Variants in FBXW7 observed in about 807,000 individuals in gnomAD.
FBXW7 encodes F-box/WD repeat-containing protein 7.
FBXW7 carries 11 observed loss-of-function variants against 86.3 expected under a neutral mutation model. The observed-to-expected ratio is 0.13, with a 90% confidence interval of 0.08 to 0.21. The LOEUF is 0.21. Among genes scored for constraint, FBXW7 ranks in the 10% least tolerant of loss-of-function variants. FBXW7 has a pLI of 1.00. For missense variants in FBXW7, 488 were observed against 847.4 expected, an observed-to-expected ratio of 0.58 and a Z score of 5.27; for synonymous variants, 313 against 297.9, an observed-to-expected ratio of 1.05 and a Z score of -0.52.
intron 2 of FBXW7, among the ~76,000 whole-genome samples, chr4:152,423,933 G>A (rs1739158782): frequency 6.6e-6 from 1 of 152,124 alleles, no homozygotes; most frequent in South Asian, 2.1e-4. Flanking sequence ...AGAGTATGCT[G>A]TATTCCAGTA....
chr4:152,389,846 G>T (rs1200540939), intron 4 of FBXW7, among the ~76,000 whole-genome samples: 7 of 151,848 alleles, frequency 4.6e-5, no homozygotes, highest in African/African-American at 1.7e-4. Context: ...CTTTATTATA[G>T]TTTAGTGAAC....
intron 2 of FBXW7, among the ~76,000 whole-genome samples, chr4:152,512,117 C>CTA (rs1182257320): frequency 6.6e-6 from 1 of 152,140 alleles, no homozygotes; most frequent in Non-Finnish European, 1.5e-5. Context: ...TTTTGTTTTA[C>CTA]TATACTGTTT....
chr4:152,374,893 G>A (rs1479582313), intron 4 of FBXW7, among the ~76,000 whole-genome samples: 3 of 151,974 alleles, frequency 2.0e-5, no homozygotes, highest in Non-Finnish European at 4.4e-5. Flanking sequence ...CAGGAGGGGG[G>A]GGGATGATGC....
chr4:152,335,543 C>T (rs1438728558), intron 7 of FBXW7, among the ~76,000 whole-genome samples: 1 of 152,186 alleles, frequency 6.6e-6, no homozygotes, highest in African/African-American at 2.4e-5. Flanking sequence ...GTTTTCTATT[C>T]ATTTGTTTTA....
chr4:152,492,404 G>A (rs1745948776), intron 2 of FBXW7, among the ~76,000 whole-genome samples: 1 of 152,128 alleles, frequency 6.6e-6, no homozygotes, highest in Non-Finnish European at 1.5e-5. Context: ...ACACCTAGAA[G>A]TAGAATTGCT....
At chr4:152,432,179 C>T (rs1314801005) in intron 2 of FBXW7, among the ~76,000 whole-genome samples, 1 of 152,134 alleles carries the variant, frequency 6.6e-6, no homozygotes, top group East Asian at 1.9e-4. Context: ...TATGTGCTGA[C>T]TTGGAATACC....
intron 2 of FBXW7, among the ~76,000 whole-genome samples, chr4:152,495,689 C>T (rs1746271650): frequency 6.6e-6 from 1 of 152,114 alleles, no homozygotes; most frequent in Non-Finnish European, 1.5e-5. Context: ...TGAGATACCC[C>T]TTTCTACTCC....
intron 4 of FBXW7, among the ~76,000 whole-genome samples, chr4:152,403,322 A>C (rs753753265): frequency 6.6e-6 from 1 of 152,046 alleles, no homozygotes; most frequent in African/African-American, 2.4e-5. Context: ...TACTAAAAAT[A>C]CAAAAATTAG....
intron 2 of FBXW7, among the ~76,000 whole-genome samples, chr4:152,472,083 T>C (rs552203282): frequency 7.9e-5 from 12 of 151,886 alleles, no homozygotes; most frequent in African/African-American, 2.7e-4. Flanking sequence ...CAAACAAAAC[T>C]TCACAAAGAC....
At chr4:152,508,704 G>C (rs1371271890) in intron 2 of FBXW7, among the ~76,000 whole-genome samples, 1 of 149,680 alleles carries the variant, frequency 6.7e-6, no homozygotes, top group African/African-American at 2.5e-5. Flanking sequence ...AATTGGTAGA[G>C]TATGGTGAGA....
rs2126466223 is a variant in FBXW7 at position 152,323,133 on chromosome 4, C to T, written c.1872G>A (p.Gln624=). The T allele has an allele frequency of 6.2e-7, 1 of 1,613,226 alleles. No homozygotes were observed. Among genetic ancestry groups the T allele is most frequent in the Middle Eastern group, 1.7e-4 (1 of 6,052 alleles). ...TGAACTGTAAACAGGTCACAGCACT[C>T]TGATGCTTGTTGGGACCTAGACAAA... ...LQTLQGPNKH[Q]SAVTCLQFNK... Residue 624 remains glutamine, a synonymous_variant, in exon 14 of 14, where the codon CAG becomes CAA. Coordinates refer to ENST00000281708, the MANE Select transcript of FBXW7 (RefSeq NM_001349798.2).
At chr4:152,446,263 A>C (rs964492942) in intron 2 of FBXW7, among the ~76,000 whole-genome samples, 3 of 152,176 alleles carry the variant, frequency 2.0e-5, no homozygotes, top group African/African-American at 7.2e-5. Context: ...GAAATATTGG[A>C]TATCAAAGAG....
chr4:152,363,029 C>A (rs1041971799), intron 4 of FBXW7, among the ~76,000 whole-genome samples: 10 of 152,088 alleles, frequency 6.6e-5, no homozygotes, highest in African/African-American at 1.9e-4. Flanking sequence ...GTAATTTACC[C>A]CCTACCAATC....
chr4:152,437,903 G>A (rs1275494537), intron 2 of FBXW7, among the ~76,000 whole-genome samples: 8 of 152,172 alleles, frequency 5.3e-5, no homozygotes, highest in Admixed American at 2.6e-4. Flanking sequence ...AGCCAGGCGC[G>A]ATGGCTCACG....
chr4:152,343,024 T>G (rs1029445112), intron 6 of FBXW7, among the ~76,000 whole-genome samples: 1 of 152,180 alleles, frequency 6.6e-6, no homozygotes, highest in African/African-American at 2.4e-5. Flanking sequence ...GCAAATAAGA[T>G]GTAAATAAAG....
At chr4:152,510,444 C>T (rs1328122339) in intron 2 of FBXW7, among the ~76,000 whole-genome samples, 3 of 152,122 alleles carry the variant, frequency 2.0e-5, no homozygotes, top group Non-Finnish European at 4.4e-5. Context: ...TCAAAACTTA[C>T]GTATTATCAA....
chr4:152,396,863 TC>T (rs1176236356), intron 4 of FBXW7, among the ~76,000 whole-genome samples: 1 of 152,038 alleles, frequency 6.6e-6, no homozygotes. Context: ...ATACTGTTTA[TC>T]ATAGCAGTGA....
intron 4 of FBXW7, among the ~76,000 whole-genome samples, chr4:152,363,988 T>G (rs1733223149): frequency 6.6e-6 from 1 of 152,186 alleles, no homozygotes; most frequent in Non-Finnish European, 1.5e-5. Context: ...TATTTCAGTA[T>G]GCAAATGTGT....
chr4:152,428,361 T>C (rs1043608789), intron 2 of FBXW7, among the ~76,000 whole-genome samples: 25 of 152,212 alleles, frequency 1.6e-4, no homozygotes, highest in African/African-American at 6.0e-4. Context: ...GGGAGCTTTT[T>C]CCTAGTCTAA....
Sources: gnomAD v4.1 joint callset for allele counts (sites outside exome capture counted in the v4.1 genomes callset) on GRCh38, gnomAD v4.1.1 for gene constraint, MANE v1.5 for transcripts, NCBI Gene and HGNC (gene_info 2026-07-23, HGNC 2026-07-21) for gene names.